The following FATE1 variants were observed in gnomAD, a reference collection of about 807,000 sequenced individuals.
The protein encoded by FATE1 is fetal and adult testis-expressed transcript protein.
In FATE1, 18 loss-of-function variants were observed where a neutral mutation model predicts 16.0. That is an observed-to-expected ratio of 1.12 (90% CI 0.78 to 1.66). FATE1 has a LOEUF of 1.66. Ranked by LOEUF, FATE1 falls within the 40% of genes most tolerant of loss-of-function variation. FATE1 has a pLI of 0.00. For synonymous variants in FATE1, 76 were observed against 56.9 expected (o/e 1.34, Z -1.51); for missense variants, 169 against 152.7 (o/e 1.11, Z -0.56).
chrX:151,719,541 T>C (rs1483907975), intron 2 of FATE1, among the ~76,000 whole-genome samples: 3 of 112,245 alleles, frequency 2.7e-5, no homozygotes, highest in South Asian at 3.7e-4. Flanking sequence ...AATCAAGCAA[T>C]GGTCTGAAAA....
At chrX:151,720,183 C>A (rs758830869) in intron 2 of FATE1, among the ~76,000 whole-genome samples, 37 of 111,394 alleles carry the variant, frequency 3.3e-4, no homozygotes, top group African/African-American at 1.2e-3. Flanking sequence ...TTTCCTCCCT[C>A]CCCTCCTTTC....
At chrX:151,721,702 G>A (rs2015117607) in intron 3 of FATE1, among the ~76,000 whole-genome samples, 1 of 112,129 alleles carries the variant, frequency 8.9e-6, no homozygotes, top group Non-Finnish European at 1.9e-5. Flanking sequence ...GGACTGGGCT[G>A]GGCCAGGCTG....
chrX:151,719,605 C>T (rs1412128692), intron 2 of FATE1, among the ~76,000 whole-genome samples: 2 of 111,799 alleles, frequency 1.8e-5, no homozygotes, highest in Non-Finnish European at 3.8e-5. Flanking sequence ...TCCCTAATAC[C>T]CATTATCTTT....
chrX:151,718,114 AAG>A (rs2015078775), intron 2 of FATE1, among the ~76,000 whole-genome samples: 1 of 14,201 alleles, frequency 7.0e-5, no homozygotes, highest in Non-Finnish European at 1.2e-4. Flanking sequence ...GAGAGAGAGG[AAG>A]GAAGGAAGGA....
intron 2 of FATE1, among the ~76,000 whole-genome samples, chrX:151,720,604 G>A (rs765298725): frequency 8.9e-6 from 1 of 112,088 alleles, no homozygotes; most frequent in Non-Finnish European, 1.9e-5. Flanking sequence ...CTTTCAAAAC[G>A]GGATGATAAT....
At chrX:151,718,245 A>AAGAAAGAG (rs1556270330) in intron 2 of FATE1, among the ~76,000 whole-genome samples, 60 of 103,165 alleles carry the variant, frequency 5.8e-4, no homozygotes, top group African/African-American at 2.1e-3. Context: ...GAAAGAGAGA[A>AAGAAAGAG]AGAAAGAAAG....
Position 151,722,034 on chromosome X carries a change from A to C in FATE1, c.420+53A>C. ...AAGCAGAATCACAGTGCCTTGGAAT[A>C]GGCAGGGCTCGACAGCTGGGGTCCT... On this transcript the variant is annotated intron_variant, in intron 4 of 4. Coordinates refer to ENST00000370350, the MANE Select transcript of FATE1 (RefSeq NM_033085.3). 5 of 1,094,706 alleles carry C rather than the reference A, an allele frequency of 4.6e-6. No individual in the cohort carries two copies. The South Asian group carries it at 9.4e-5, about 21-fold the overall frequency. The allele number at this position is 1,094,706 out of a possible 1,213,427, so 90.2% of individuals were successfully genotyped here.
chrX:151,721,404 C>T lies in FATE1; in HGVS notation c.244C>T (p.Leu82=). Residue 82 remains leucine (L), a synonymous_variant, in exon 3 of 5, where the codon CTG becomes TTG. Transcript: ENST00000370350. ...CCATTCCTTTCTTCAGGGGTCCCAGCTGCCAAAGCCCAGAATGCTGAGAGA... is the reference window on the plus strand; with the variant it reads ...CCATTCCTTTCTTCAGGGGTCCCAGTTGCCAAAGCCCAGAATGCTGAGAGA... The part of the protein sequence containing the change: ...ATRPKKMGSQ[L]PKPRMLRESG... 8.3e-7 allele frequency: 1 copy of T among 1,211,947 alleles called. No individual in the cohort carries two copies. Among genetic ancestry groups the T allele is most frequent in the Non-Finnish European group, 1.1e-6 (1 of 895,194 alleles).
intron 2 of FATE1, among the ~76,000 whole-genome samples, chrX:151,721,017 G>A (rs2015110645): frequency 8.9e-6 from 1 of 112,725 alleles, no homozygotes; most frequent in African/African-American, 3.2e-5. Flanking sequence ...GGAAAGTAAA[G>A]GCATCTCGCC....
chrX:151,722,477 C>A, intron 4 of FATE1, 151 bp from the exon 5 acceptor site: 3 of 822,082 alleles, frequency 3.6e-6, no homozygotes, highest in Non-Finnish European at 5.2e-6. Flanking sequence ...CCTGGCCCAG[C>A]CTCCTGCTTC....
Position 151,722,818 on chromosome X carries a change from T to C in FATE1, c.*59T>C. On this transcript the variant is annotated 3_prime_UTR_variant, in exon 5 of 5. Coordinates refer to ENST00000370350, the MANE Select transcript of FATE1 (RefSeq NM_033085.3). ...CCTGCTTCCCCTTCTTTCTTTCCTC[T>C]TTCCCCAGGCCGCCACTGCCCTTGC... The C allele has an allele frequency of 8.7e-7, 1 of 1,155,318 alleles. No homozygotes were observed. Among genetic ancestry groups the C allele is most frequent in the Non-Finnish European group, 1.2e-6 (1 of 862,885 alleles).
In FATE1 at chrX:151,722,918, G is replaced by A; in HGVS notation, c.*159G>A. On this transcript the variant is annotated 3_prime_UTR_variant, in exon 5 of 5. Transcript: ENST00000370350. ...CTGGTTAGGCCTCCTACCTGGGGAG[G>A]CCAGGTCACTGCACTGGGAGGTCCT... 4.4e-6 allele frequency: 3 copies of A among 684,690 alleles called. No homozygotes were observed. Among genetic ancestry groups the A allele is most frequent in the Non-Finnish European group, 6.3e-6 (3 of 476,310 alleles). The allele number at this position is 684,690 out of a possible 1,213,427, so 56.4% of individuals were successfully genotyped here. A position where few individuals can be genotyped will look rare whatever the true frequency, so the allele number is the denominator to read the frequency against.
At position 151,716,230 on chromosome X, in the gene FATE1, G is replaced by C. The variant is rs1171603421; in HGVS notation, c.106+5G>C. 2.6e-6 allele frequency: 3 copies of C among 1,157,394 alleles called. No individual in the cohort carries two copies. In the African/African-American group the frequency reaches 5.4e-5, roughly 21 times the overall value. On this transcript the variant is annotated splice_donor_5th_base_variant and intron_variant, in intron 1 of 4. Coordinates refer to ENST00000370350, the MANE Select transcript of FATE1 (RefSeq NM_033085.3). ...AAGAGCACCTGGTGATAGCAGGTGA[G>C]GATCCCCTAAAATACCCCTAGGCTA...
In FATE1 at chrX:151,721,417, G is replaced by C. The variant is rs776652536; in HGVS notation, c.257G>C (p.Arg86Thr). ...KKMGSQLPKP[R>T]MLRESGHGDA... ...CAGGGGTCCCAGCTGCCAAAGCCCA[G>C]AATGCTGAGAGAATCAGGCCATGGG... Residue 86 changes from arginine (R) to threonine (T), a missense_variant, in exon 3 of 5, where the codon AGA (arginine) becomes ACA (threonine). By Grantham distance (71) the Arg-to-Thr change is moderately conservative. Coordinates refer to ENST00000370350, the MANE Select transcript of FATE1 (RefSeq NM_033085.3). 1.1e-5 allele frequency: 13 copies of C among 1,211,169 alleles called. No individual in the cohort carries two copies. Among genetic ancestry groups the C allele is most frequent in the Non-Finnish European group, 1.5e-5 (13 of 895,397 alleles).
At chrX:151,720,221 G>A (rs1053854257) in intron 2 of FATE1, among the ~76,000 whole-genome samples, 2 of 111,454 alleles carry the variant, frequency 1.8e-5, no homozygotes, top group African/African-American at 3.3e-5. Flanking sequence ...TGTCCTTGCA[G>A]GTCTAAGTCC....
chrX:151,721,752 C>T (rs1330539184), intron 3 of FATE1, 151 bp from the exon 4 acceptor site: 1 of 580,573 alleles, frequency 1.7e-6, no homozygotes, highest in Non-Finnish European at 2.9e-6. Context: ...CCTCAAGGCC[C>T]TAGGCCCTCT....
At chrX:151,722,016 A>G (rs763898019) in intron 4 of FATE1, 35 bp downstream of exon 4, 1 of 1,151,770 alleles carries the variant, frequency 8.7e-7, no homozygotes, top group Non-Finnish European at 1.2e-6. Context: ...TGCAAGCAGA[A>G]TCACAGTGCC....
intron 2 of FATE1, among the ~76,000 whole-genome samples, chrX:151,720,101 G>C (rs1168429223): frequency 8.9e-6 from 1 of 111,856 alleles, no homozygotes; most frequent in Non-Finnish European, 1.9e-5. Context: ...GGCGGTAAGT[G>C]CCTGGCTGCC....
chrX:151,717,404 T>C lies in FATE1; in HGVS notation c.234+5T>C. The C allele has an allele frequency of 1.7e-6, 2 of 1,197,048 alleles. No homozygotes were observed. The highest frequency in any genetic ancestry group is 2.2e-5 in the Admixed American group (1 of 45,572). ...GCCACCCGACCCAAGAAAATGGTAC[T>C]GTATGGGGTCCTCAGCACTTGGTGG... On this transcript the variant is annotated splice_donor_5th_base_variant and intron_variant, in intron 2 of 4. Transcript: ENST00000370350.
Sources: allele counts gnomAD v4.1 joint callset (sites outside exome capture counted in the v4.1 genomes callset), GRCh38; gene constraint gnomAD v4.1.1; transcripts MANE v1.5; gene names NCBI Gene and HGNC (gene_info 2026-07-23, HGNC 2026-07-21).